Variants in TESK2 observed in about 807,000 individuals in gnomAD.
TESK2 encodes the protein dual specificity testis-specific protein kinase 2.
A neutral mutation model predicts 57.1 loss-of-function variants in TESK2; 39 were observed. That is an observed-to-expected ratio of 0.68 (90% confidence interval 0.53 to 0.89). The LOEUF (loss-of-function observed/expected upper bound fraction) is 0.89, where lower values mean the gene tolerates loss of function less well. Ranked by LOEUF, TESK2 falls within the 40% of genes least tolerant of loss-of-function variation. The pLI, the probability that TESK2 is intolerant of heterozygous loss-of-function variation, is 0.00. For synonymous variants in TESK2, 249 were observed against 267.9 expected, an observed-to-expected ratio of 0.93 and a Z score of 0.69; for missense variants, 646 against 732.1, an observed-to-expected ratio of 0.88 and a Z score of 1.36.
rs1199454661 is a variant in TESK2, at chr1:45,345,047, G to T, written c.1509C>A (p.Ala503=). ...CCTCATGGGCTTGAGCAGCTGGTAG[G>T]GCAGATGCCCGGAATGGTGGGATCT... ...VKEIPPFRAS[A]LPAAQAHEAM... The change falls in exon 11 of 11, where the codon GCC becomes GCA. Residue 503 remains alanine, a synonymous_variant. Coordinates refer to ENST00000372086, the MANE Select transcript of TESK2 (RefSeq NM_007170.3). 1.2e-6 allele frequency: 2 copies of T among 1,614,254 alleles called. No homozygotes were observed. Among genetic ancestry groups the T allele is most frequent in the Middle Eastern group, 3.3e-4 (2 of 6,062 alleles).
intron 2 of TESK2, among the ~76,000 whole-genome samples, chr1:45,453,896 G>A (rs1445544659): frequency 7.2e-5 from 11 of 151,892 alleles, no homozygotes; most frequent in Admixed American, 7.2e-4. Flanking sequence ...ATACAAAAAA[G>A]GTCAACAAGT....
At chr1:45,454,447 T>C (rs1040131669) in intron 2 of TESK2, among the ~76,000 whole-genome samples, 4 of 151,954 alleles carry the variant, frequency 2.6e-5, no homozygotes, top group Non-Finnish European at 5.9e-5. Context: ...TTTTATTTTA[T>C]TTTATTTTTC....
At chr1:45,455,797 C>T (rs894142411) in intron 2 of TESK2, among the ~76,000 whole-genome samples, 1 of 151,620 alleles carries the variant, frequency 6.6e-6, no homozygotes, top group South Asian at 2.1e-4. Context: ...GAGAAAGACA[C>T]ATTAGAAAGA....
Position 45,407,244 on chromosome 1 carries a change from TG to T in TESK2, c.344+14480del, listed in dbSNP as rs972010918. Among the ~76,000 whole-genome samples, 27 of 20,334 alleles carry T rather than the reference TG, an allele frequency of 1.3e-3. No homozygotes were observed. The South Asian group carries it at 0.079, about 59-fold the overall frequency. 13.3% of individuals were successfully genotyped at this position (20,334 alleles called of 152,430 possible). A position where few individuals can be genotyped will look rare whatever the true frequency, so the allele number is the denominator to read the frequency against. On this transcript the variant is annotated intron_variant, in intron 3 of 10. Transcript: ENST00000372086. ...AGGACCACAGGTGGTGGCCCCACAA[TG>T]GGTTTTTTTTTGTTTTTTTAATCTT...
At chr1:45,351,502 T>C (rs1238605069) in intron 5 of TESK2, among the ~76,000 whole-genome samples, 1 of 152,234 alleles carries the variant, frequency 6.6e-6, no homozygotes, top group African/African-American at 2.4e-5. Context: ...GATAGGAAAC[T>C]AGGGATCTTT....
intron 1 of TESK2, among the ~76,000 whole-genome samples, chr1:45,469,833 T>G (rs2149303941): frequency 6.6e-6 from 1 of 152,330 alleles, no homozygotes; most frequent in East Asian, 1.9e-4. Flanking sequence ...TAATGCACAG[T>G]ATCTGCTGTT....
intron 2 of TESK2, among the ~76,000 whole-genome samples, chr1:45,440,664 C>G (rs1651411059): frequency 6.6e-6 from 1 of 150,926 alleles, no homozygotes; most frequent in Non-Finnish European, 1.5e-5. Flanking sequence ...TGCAGTGAGC[C>G]AAGATCGCAC....
intron 4 of TESK2, among the ~76,000 whole-genome samples, chr1:45,384,385 A>G (rs113567564): frequency 0.063 from 7,789 of 123,900 alleles, 213 homozygotes; most frequent in Middle Eastern, 0.094. Flanking sequence ...CTATCTATCT[A>G]TCTGTCTATC....
chr1:45,392,813 G>A (rs1465104223), intron 3 of TESK2, among the ~76,000 whole-genome samples: 1 of 152,168 alleles, frequency 6.6e-6, no homozygotes, highest in East Asian at 1.9e-4. Context: ...AAAGTGCTAG[G>A]ATTACAGGCA....
chr1:45,468,967 A>G (rs1435289727), intron 1 of TESK2, among the ~76,000 whole-genome samples: 1 of 152,222 alleles, frequency 6.6e-6, no homozygotes, highest in East Asian at 1.9e-4. Context: ...TATGTGGCTT[A>G]TAAGGACACA....
chr1:45,382,701 T>A (rs1182545473), intron 4 of TESK2, among the ~76,000 whole-genome samples: 1 of 152,020 alleles, frequency 6.6e-6, no homozygotes, highest in Non-Finnish European at 1.5e-5. Context: ...AGAAACCCCG[T>A]CTCTACTAAA....
At chr1:45,375,692 CCAGCCTGGGCAACA>C (rs1200004096) in intron 4 of TESK2, among the ~76,000 whole-genome samples, 2 of 151,936 alleles carry the variant, frequency 1.3e-5, no homozygotes, top group East Asian at 3.9e-4. Context: ...GAGCCCAGGA[CCAGCCTGGGCAACA>C]CAGCAAGACC....
rs367548030 is a variant in TESK2 at position 45,477,058 on chromosome 1, C to CAAAAA, written c.-87+13789_-87+13793dup. 2.2e-4 allele frequency among the ~76,000 whole-genome samples: 27 copies of CAAAAA among 123,498 alleles called. 6 individuals carry two copies. Among genetic ancestry groups the CAAAAA allele is most frequent in the Non-Finnish European group, 3.3e-4 (20 of 61,374 alleles). 81.0% of individuals were successfully genotyped at this position (123,498 alleles called of 152,430 possible). On this transcript the variant is annotated intron_variant, in intron 1 of 10. Transcript: ENST00000372086. ...CAACGTGGTGAAACCACGTCTCTAC[C>CAAAAA]AAAAAAAAAAAAATACAAAAATTAG...
intron 4 of TESK2, among the ~76,000 whole-genome samples, chr1:45,374,281 T>C (rs965408322): frequency 2.6e-5 from 4 of 152,196 alleles, no homozygotes; most frequent in African/African-American, 9.7e-5. Flanking sequence ...TTGCATGCCT[T>C]TATGCTCCAG....
intron 4 of TESK2, among the ~76,000 whole-genome samples, chr1:45,372,070 G>A (rs1355774120): frequency 6.6e-6 from 1 of 151,788 alleles, no homozygotes; most frequent in African/African-American, 2.4e-5. Flanking sequence ...GCAACTTAGC[G>A]AGACCTCATA....
At chr1:45,365,965 C>T (rs903048465) in intron 4 of TESK2, among the ~76,000 whole-genome samples, 1 of 152,152 alleles carries the variant, frequency 6.6e-6, no homozygotes, top group Non-Finnish European at 1.5e-5. Context: ...TGAGCCACTG[C>T]ACCCAGCCTA....
At chr1:45,418,802 CT>C (rs1305896722) in intron 3 of TESK2, among the ~76,000 whole-genome samples, 2 of 152,130 alleles carry the variant, frequency 1.3e-5, no homozygotes, top group Non-Finnish European at 2.9e-5. Flanking sequence ...AGTTCCTCCC[CT>C]ATCTTCTAAA....
chr1:45,471,740 T>A (rs2149304508), intron 1 of TESK2, among the ~76,000 whole-genome samples: 1 of 151,848 alleles, frequency 6.6e-6, no homozygotes, highest in Non-Finnish European at 1.5e-5. Context: ...GAGGGAAGGC[T>A]TAATTAAGGT....
intron 2 of TESK2, among the ~76,000 whole-genome samples, chr1:45,453,587 C>G (rs1053997650): frequency 3.9e-5 from 6 of 152,146 alleles, no homozygotes; most frequent in African/African-American, 1.4e-4. Context: ...CTATAAAACT[C>G]TTAGAAGAAA....
Sources: gnomAD v4.1 joint callset for allele counts (sites outside exome capture counted in the v4.1 genomes callset) on GRCh38, gnomAD v4.1.1 for gene constraint, MANE v1.5 for transcripts, NCBI Gene and HGNC (gene_info 2026-07-23, HGNC 2026-07-21) for gene names.